KLHL29: variants seen among roughly 807,000 people sequenced by gnomAD.
KLHL29 encodes the protein kelch like family member 29.
KLHL29 carries 21 observed loss-of-function variants against 80.4 expected under a neutral mutation model. The ratio of observed to expected loss-of-function variants is 0.26; its 90% CI spans 0.19 to 0.38. The LOEUF is 0.38. KLHL29 is among the 10% of genes least tolerant of loss of function. The pLI, the probability that KLHL29 is intolerant of heterozygous loss-of-function variation, is 1.00. For missense variants in KLHL29, 867 were observed against 1,223.9 expected (o/e 0.71, Z 4.35); for synonymous variants, 511 against 526.8 (o/e 0.97, Z 0.41).
intron 1 of KLHL29, among the ~76,000 whole-genome samples, chr2:23,419,373 G>A (rs533396143): frequency 8.5e-5 from 13 of 152,230 alleles, no homozygotes; most frequent in African/African-American, 2.9e-4. Flanking sequence ...TCCCCAGGCT[G>A]GAGGGTCCCA....
At chr2:23,551,232 G>A (rs1667114547) in intron 2 of KLHL29, among the ~76,000 whole-genome samples, 1 of 152,110 alleles carries the variant, frequency 6.6e-6, no homozygotes, top group East Asian at 1.9e-4. Flanking sequence ...GTCATTTCCA[G>A]TATCTTTTTT....
At chr2:23,652,359 T>G (rs1670110051) in intron 5 of KLHL29, among the ~76,000 whole-genome samples, 1 of 152,166 alleles carries the variant, frequency 6.6e-6, no homozygotes, top group Non-Finnish European at 1.5e-5. Context: ...CGCTAGACAG[T>G]TTGTCCTGTT....
intron 1 of KLHL29, among the ~76,000 whole-genome samples, chr2:23,403,643 A>T (rs142908509): frequency 6.6e-6 from 1 of 152,126 alleles, no homozygotes. Context: ...TTTGCAATTT[A>T]TTAATAATAA....
At chr2:23,655,049 G>A (rs1670206070) in intron 5 of KLHL29, among the ~76,000 whole-genome samples, 1 of 152,158 alleles carries the variant, frequency 6.6e-6, no homozygotes. Context: ...GGTGATTCTT[G>A]GGCTCTTTCC....
At chr2:23,520,609 A>G (rs1358946280) in intron 2 of KLHL29, among the ~76,000 whole-genome samples, 1 of 152,190 alleles carries the variant, frequency 6.6e-6, no homozygotes, top group East Asian at 1.9e-4. Flanking sequence ...GCCCACTGGG[A>G]AGGACAGGCG....
At chr2:23,552,527 C>A (rs1430472013) in intron 2 of KLHL29, among the ~76,000 whole-genome samples, 1 of 152,174 alleles carries the variant, frequency 6.6e-6, no homozygotes, top group Non-Finnish European at 1.5e-5. Context: ...CAGCTGCACC[C>A]ACTGCTGCTG....
chr2:23,583,692 G>A (rs142726268), intron 3 of KLHL29, among the ~76,000 whole-genome samples: 2 of 152,274 alleles, frequency 1.3e-5, no homozygotes, highest in East Asian at 3.9e-4. Flanking sequence ...TACGTAGCTG[G>A]AGTAAGAAAA....
chr2:23,686,026 G>A (rs907562409), intron 6 of KLHL29, among the ~76,000 whole-genome samples: 1 of 152,220 alleles, frequency 6.6e-6, no homozygotes, highest in South Asian at 2.1e-4. Flanking sequence ...TTGAAAGCCA[G>A]ACTTGCACAC....
At chr2:23,410,299 GTGCA>G (rs1161139270) in intron 1 of KLHL29, among the ~76,000 whole-genome samples, 2 of 151,248 alleles carry the variant, frequency 1.3e-5, no homozygotes, top group Non-Finnish European at 2.9e-5. Flanking sequence ...TGAGGGGATG[GTGCA>G]TGTGGAGACA....
Position 23,700,187 on chromosome 2 carries a change from T to TAAAC in KLHL29, c.2106-2997_2106-2994dup, listed in dbSNP as rs1672278402. Reference sequence around the variant, plus strand: ...TTGGACTCCTTCCTATTTTAGCATGTAAACACAATTAAACATTCCCCTTAA... The same window carrying TAAAC: ...TTGGACTCCTTCCTATTTTAGCATGTAAACAAACACAATTAAACATTCCCCTTAA... On this transcript the variant is annotated intron_variant, in intron 11 of 13. Transcript: ENST00000486442. This position sits in a 1 kb window ranked among gnomAD's most constrained non-coding sequence, Gnocchi z 4.6. Among the ~76,000 whole-genome samples, 2 of 152,230 alleles carry TAAAC rather than the reference T, an allele frequency of 1.3e-5. No homozygotes were observed. The highest frequency in any genetic ancestry group is 4.1e-4 in the South Asian group (2 of 4,838).
At chr2:23,561,764 G>C (rs1350654181) in intron 2 of KLHL29, among the ~76,000 whole-genome samples, 1 of 152,142 alleles carries the variant, frequency 6.6e-6, no homozygotes, top group East Asian at 1.9e-4. Context: ...CCTATCACGT[G>C]TTGGAGGAAA....
Position 23,541,767 on chromosome 2 carries a change from AAAAAC to A in KLHL29, c.-45-20380_-45-20376del, listed in dbSNP as rs1229555057. On this transcript the variant is annotated intron_variant, in intron 2 of 13. Transcript: ENST00000486442. Reference sequence around the variant, plus strand: ...AGAGCTTTTAAAAAAGCCCAACCCAAAAAACAAAAAAAAAAAAACCATAAAACTGG... The same window carrying A: ...AGAGCTTTTAAAAAAGCCCAACCCAAAAAAAAAAAAAAACCATAAAACTGG... 4.1e-3 allele frequency among the ~76,000 whole-genome samples: 620 copies of A among 151,028 alleles called. 8 individuals are homozygous for A. The highest frequency in any genetic ancestry group is 0.014 in the African/African-American group (592 of 41,024).
At chr2:23,656,932 G>GAAAAAAAAAAAAAAAAAA (rs58320389) in intron 5 of KLHL29, among the ~76,000 whole-genome samples, 1 of 110,100 alleles carries the variant, frequency 9.1e-6, no homozygotes. Flanking sequence ...TCCCCAACAG[G>GAAAAAAAAAAAAAAAAAA]AAAAAAAAAA....
chr2:23,516,755 C>T (rs1399306499), intron 2 of KLHL29, among the ~76,000 whole-genome samples: 1 of 152,250 alleles, frequency 6.6e-6, no homozygotes, highest in Non-Finnish European at 1.5e-5. Context: ...CCTCCAGGGC[C>T]CTCATCCATG....
chr2:23,442,391 C>A (rs1473245914), intron 1 of KLHL29, among the ~76,000 whole-genome samples: 1 of 152,126 alleles, frequency 6.6e-6, no homozygotes, highest in African/African-American at 2.4e-5. Context: ...CTTTGTCCAG[C>A]CCAAGGTCCT....
intron 1 of KLHL29, among the ~76,000 whole-genome samples, chr2:23,438,543 G>A (rs1663413040): frequency 6.7e-6 from 1 of 149,440 alleles, no homozygotes; most frequent in Admixed American, 6.7e-5. Context: ...TTTGTCAAAG[G>A]CCTTTTCTGC....
chr2:23,581,913 C>T (rs972851938), intron 3 of KLHL29, among the ~76,000 whole-genome samples: 3 of 151,758 alleles, frequency 2.0e-5, no homozygotes, highest in African/African-American at 7.3e-5. Flanking sequence ...CTAAGCTCCA[C>T]CTTTGAAAAA....
At chr2:23,559,309 G>C (rs777015847) in intron 2 of KLHL29, among the ~76,000 whole-genome samples, 7 of 152,186 alleles carry the variant, frequency 4.6e-5, no homozygotes, top group Non-Finnish European at 1.0e-4. Context: ...ACCACGAAGA[G>C]TTGGAACCTT....
Position 23,480,447 on chromosome 2 carries a change from A to G in KLHL29, c.-46+4780A>G, listed in dbSNP as rs542875864. Among the ~76,000 whole-genome samples the G allele has an allele frequency of 2.0e-5, 3 of 152,236 alleles. No individual in the cohort carries two copies. In the East Asian group the frequency reaches 5.8e-4, roughly 29 times the overall value. ...GGTTGCAGTGAGCTGAGATCGCACC[A>G]CTGCACCACTCCACCCTAGGTGACA... On this transcript the variant is annotated intron_variant, in intron 2 of 13. Coordinates refer to ENST00000486442, the MANE Select transcript of KLHL29 (RefSeq NM_052920.2).
Sources: gnomAD v4.1 joint callset for allele counts (sites outside exome capture counted in the v4.1 genomes callset) on GRCh38, gnomAD v4.1.1 for gene constraint, Gnocchi (gnomAD v3.1) non-coding constraint, MANE v1.5 for transcripts, NCBI Gene and HGNC (gene_info 2026-07-23, HGNC 2026-07-21) for gene names.